Variants in MS4A4A observed in about 807,000 individuals in gnomAD.
MS4A4A encodes the protein membrane-spanning 4-domains subfamily A member 4A.
Under a neutral mutation model 28.0 loss-of-function variants are expected in MS4A4A, and 26 were observed. The observed-to-expected ratio is 0.93, with a 90% CI of 0.68 to 1.29. MS4A4A has a LOEUF of 1.29. MS4A4A is among the 50% of genes most tolerant of loss of function. MS4A4A has a pLI of 0.00. For synonymous variants in MS4A4A, 86 were observed against 100.8 expected (o/e 0.85, Z 0.88); for missense variants, 290 against 293.1 (o/e 0.99, Z 0.08).
intron 2 of MS4A4A, 156 bp from the exon 3 acceptor site, chr11:60,297,041 T>C (rs2084911381): frequency 1.2e-6 from 1 of 848,962 alleles, no homozygotes; most frequent in Non-Finnish European, 1.8e-6. Flanking sequence ...ACATTCACGG[T>C]TATTTATGTG....
intron 5 of MS4A4A, among the ~76,000 whole-genome samples, chr11:60,304,817 G>A (rs950461285): frequency 6.6e-6 from 1 of 152,184 alleles, no homozygotes; most frequent in African/African-American, 2.4e-5. Context: ...CCGTCTTCTA[G>A]TCTACACTTC....
At chr11:60,300,615 CAAAAAAAAAA>C (rs760648433) in intron 3 of MS4A4A, among the ~76,000 whole-genome samples, 1 of 36,038 alleles carries the variant, frequency 2.8e-5, no homozygotes, top group Non-Finnish European at 5.2e-5. Flanking sequence ...GACTCCGTCT[CAAAAAAAAAA>C]AAAAAAAAAA....
At chr11:60,301,162 C>A in intron 4 of MS4A4A, 105 bp downstream of exon 4, 2 of 948,354 alleles carry the variant, frequency 2.1e-6, no homozygotes, top group South Asian at 1.8e-5. Context: ...TGTAAAAAAT[C>A]AGGAGCGATT....
chr11:60,288,533 A>G (rs577144361), intron 1 of MS4A4A, among the ~76,000 whole-genome samples: 1 of 152,244 alleles, frequency 6.6e-6, no homozygotes, highest in South Asian at 2.1e-4. Context: ...GGCTCCAGGG[A>G]AAGAGGGGTG....
intron 6 of MS4A4A, among the ~76,000 whole-genome samples, chr11:60,306,759 G>A (rs957310750): frequency 6.6e-6 from 1 of 152,188 alleles, no homozygotes; most frequent in Non-Finnish European, 1.5e-5. Flanking sequence ...CCCTCGAAGT[G>A]CATAACCTCT....
At chr11:60,304,119 G>T (rs943235825) in intron 5 of MS4A4A, among the ~76,000 whole-genome samples, 11 of 152,208 alleles carry the variant, frequency 7.2e-5, no homozygotes, top group African/African-American at 2.4e-4. Context: ...GCAAAAGGAA[G>T]ATTAGATTCT....
At chr11:60,306,605 C>A (rs114401450) in intron 6 of MS4A4A, among the ~76,000 whole-genome samples, 2 of 152,144 alleles carry the variant, frequency 1.3e-5, no homozygotes. Flanking sequence ...CTAGTTAGTA[C>A]CTACACACAG....
At position 60,308,250 on chromosome 11, in the gene MS4A4A, A is replaced by T; in HGVS notation, c.*72A>T. ...CTGTGACACAAGAGCCTCACATGAGAAATTACCAGTATCCAACTTCGATAC... is the reference window on the plus strand; with the variant it reads ...CTGTGACACAAGAGCCTCACATGAGTAATTACCAGTATCCAACTTCGATAC... On this transcript the variant is annotated 3_prime_UTR_variant, in exon 7 of 7. Coordinates refer to ENST00000337908, the MANE Select transcript of MS4A4A (RefSeq NM_148975.3). 1 of 1,424,730 alleles carries T rather than the reference A, an allele frequency of 7.0e-7. No homozygotes were observed. The highest frequency in any genetic ancestry group is 2.3e-5 in the East Asian group (1 of 43,910). The allele number at this position is 1,424,730 out of a possible 1,614,324, so 88.3% of individuals were successfully genotyped here. A position where few individuals can be genotyped will look rare whatever the true frequency, so the allele number is the denominator to read the frequency against.
chr11:60,291,610 C>T (rs1316516418), intron 1 of MS4A4A, among the ~76,000 whole-genome samples: 11 of 151,796 alleles, frequency 7.2e-5, no homozygotes, highest in African/African-American at 2.7e-4. Flanking sequence ...CCATACTGGC[C>T]AACATGGTGA....
At chr11:60,285,377 G>A (rs971761719) in intron 1 of MS4A4A, among the ~76,000 whole-genome samples, 1 of 152,112 alleles carries the variant, frequency 6.6e-6, no homozygotes, top group Non-Finnish European at 1.5e-5. Context: ...GGTGGCACAG[G>A]CCTGTAATCC....
At chr11:60,284,073 T>C (rs2084781013) in intron 1 of MS4A4A, among the ~76,000 whole-genome samples, 1 of 152,224 alleles carries the variant, frequency 6.6e-6, no homozygotes, top group African/African-American at 2.4e-5. Flanking sequence ...AGATCTTCCA[T>C]TCACCAGACT....
chr11:60,292,966 C>T (rs936118479), intron 2 of MS4A4A, among the ~76,000 whole-genome samples: 1 of 152,112 alleles, frequency 6.6e-6, no homozygotes, highest in African/African-American at 2.4e-5. Flanking sequence ...CCTTTTTTCA[C>T]ATTATTCATT....
intron 5 of MS4A4A, among the ~76,000 whole-genome samples, chr11:60,304,299 G>C (rs956993874): frequency 6.6e-6 from 1 of 152,216 alleles, no homozygotes; most frequent in African/African-American, 2.4e-5. Flanking sequence ...CATGGGACCT[G>C]TGCAGTTACT....
chr11:60,308,063 G>A, intron 6 of MS4A4A, 44 bp from the exon 7 acceptor site: 2 of 1,570,938 alleles, frequency 1.3e-6, no homozygotes, highest in Non-Finnish European at 1.8e-6. Flanking sequence ...GGCACTCTGA[G>A]GTGATTTGGG....
chr11:60,287,286 G>C (rs1424070545), intron 1 of MS4A4A, among the ~76,000 whole-genome samples: 1 of 152,090 alleles, frequency 6.6e-6, no homozygotes, highest in Non-Finnish European at 1.5e-5. Context: ...AGGCATGCAT[G>C]GTGTAAACCT....
chr11:60,283,857 C>T (rs781392990), intron 1 of MS4A4A, among the ~76,000 whole-genome samples: 1 of 152,200 alleles, frequency 6.6e-6, no homozygotes, highest in South Asian at 2.1e-4. Flanking sequence ...TCTGAATATA[C>T]CTACTCCATC....
At chr11:60,290,646 CTTT>C (rs892632804) in intron 1 of MS4A4A, among the ~76,000 whole-genome samples, 9 of 150,786 alleles carry the variant, frequency 6.0e-5, no homozygotes, top group African/African-American at 1.5e-4. Context: ...TAATTTTGTA[CTTT>C]TTATTTTACT....
At chr11:60,302,771 G>T in intron 5 of MS4A4A, 54 bp downstream of exon 5, 1 of 1,512,956 alleles carries the variant, frequency 6.6e-7, no homozygotes. Context: ...TTTGGGGAGT[G>T]CTGGCTCTGG....
intron 4 of MS4A4A, 117 bp downstream of exon 4, chr11:60,301,174 T>C: frequency 1.2e-6 from 1 of 821,476 alleles, no homozygotes. Context: ...GGAGCGATTG[T>C]GCATTTTACC....
Sources: gnomAD v4.1 joint callset for allele counts (sites outside exome capture counted in the v4.1 genomes callset) on GRCh38, gnomAD v4.1.1 for gene constraint, MANE v1.5 for transcripts, NCBI Gene and HGNC (gene_info 2026-07-23, HGNC 2026-07-21) for gene names.